The following HMGN5 variants were observed in gnomAD, a reference collection of about 807,000 sequenced individuals.
HMGN5 encodes the protein high mobility group nucleosome binding domain 5.
A neutral mutation model predicts 9.5 loss-of-function variants in HMGN5; 4 were observed. That is an observed-to-expected ratio of 0.42 (90% CI 0.21 to 0.96). The LOEUF is 0.96. Ranked by LOEUF, HMGN5 falls within the 40% of genes least tolerant of loss-of-function variation. HMGN5 has a pLI of 0.30. For missense variants in HMGN5, 192 were observed against 187.5 expected, an observed-to-expected ratio of 1.02 and a Z score of -0.14; for synonymous variants, 55 against 57.1, an observed-to-expected ratio of 0.96 and a Z score of 0.16.
chrX:81,181,083 A>T (rs1012038983), intron 1 of HMGN5, among the ~76,000 whole-genome samples: 1 of 110,693 alleles, frequency 9.0e-6, no homozygotes, highest in African/African-American at 3.3e-5. Flanking sequence ...GCATTAGGAG[A>T]TATATCTAAT....
At chrX:81,127,524 T>C (rs2075287368) in intron 1 of HMGN5, among the ~76,000 whole-genome samples, 1 of 111,213 alleles carries the variant, frequency 9.0e-6, no homozygotes, top group South Asian at 3.9e-4. Context: ...TTTAGATGTC[T>C]GTAACAATTG....
At chrX:81,146,166 A>G (rs185583279) in intron 1 of HMGN5, among the ~76,000 whole-genome samples, 387 of 111,978 alleles carry the variant, frequency 3.5e-3, no homozygotes, top group African/African-American at 0.012. Context: ...AGACATCTAC[A>G]GAACTCTCCA....
intron 1 of HMGN5, among the ~76,000 whole-genome samples, chrX:81,185,723 T>C (rs1290499395): frequency 1.8e-5 from 2 of 111,690 alleles, no homozygotes; most frequent in Non-Finnish European, 3.8e-5. Flanking sequence ...CAGTTTTTCC[T>C]CATTAAGTAT....
intron 1 of HMGN5, among the ~76,000 whole-genome samples, chrX:81,185,337 ATTAAG>A (rs2075474413): frequency 9.0e-6 from 1 of 111,454 alleles, no homozygotes; most frequent in South Asian, 3.7e-4. Context: ...CACTTCTTTG[ATTAAG>A]TTAATTCCCA....
intron 1 of HMGN5, among the ~76,000 whole-genome samples, chrX:81,198,429 G>A (rs2075515356): frequency 9.0e-6 from 1 of 110,855 alleles, no homozygotes; most frequent in South Asian, 3.9e-4. Context: ...AACAAAAAAG[G>A]AGAATTTTAG....
At chrX:81,201,058 G>T (rs1320758694) in intron 1 of HMGN5, among the ~76,000 whole-genome samples, 1 of 111,095 alleles carries the variant, frequency 9.0e-6, no homozygotes, top group Non-Finnish European at 1.9e-5. Context: ...TTGGAGAAGG[G>T]AAAACCTGTG....
chrX:81,154,080 C>G (rs1215544984), intron 1 of HMGN5, among the ~76,000 whole-genome samples: 1 of 110,425 alleles, frequency 9.1e-6, no homozygotes, highest in Non-Finnish European at 1.9e-5. Context: ...GCAAAAAGAA[C>G]AAAACTGGAG....
At chrX:81,115,998 T>G (rs2075252278) in intron 6 of HMGN5, among the ~76,000 whole-genome samples, 1 of 111,902 alleles carries the variant, frequency 8.9e-6, no homozygotes, top group Admixed American at 9.5e-5. Flanking sequence ...GTAACAGCAA[T>G]GCTAAGCCAC....
intron 1 of HMGN5, among the ~76,000 whole-genome samples, chrX:81,161,195 C>T (rs987050871): frequency 6.3e-5 from 7 of 110,513 alleles, no homozygotes; most frequent in South Asian, 3.7e-4. Context: ...CAAGTTGTGA[C>T]GACTGACCCC....
In HMGN5 at chrX:81,136,454, A is replaced by C. The variant is rs753647791; in HGVS notation, c.-123-14782T>G. 4.5e-5 allele frequency among the ~76,000 whole-genome samples: 5 copies of C among 111,821 alleles called. No individual in the cohort carries two copies. In the South Asian group the frequency reaches 1.8e-3, roughly 41 times the overall value. ...AGTATGGTTTCCCCACTATACTAAA[A>C]GTGGTAAAATGTTGAAACCAGGAGA... is the stretch of plus-strand genomic sequence containing the variant. On this transcript the variant is annotated intron_variant, in intron 1 of 6. Transcript: ENST00000358130.
At chrX:81,187,642 T>A (rs2075481322) in intron 1 of HMGN5, among the ~76,000 whole-genome samples, 1 of 112,039 alleles carries the variant, frequency 8.9e-6, no homozygotes, top group African/African-American at 3.2e-5. Context: ...GGGTATTTTT[T>A]AAATCCATTC....
intron 1 of HMGN5, among the ~76,000 whole-genome samples, chrX:81,188,263 A>ATATTAT (rs558790724): frequency 0.041 from 3,546 of 86,925 alleles, 101 homozygotes; most frequent in South Asian, 0.17. Flanking sequence ...TGTGCACAGA[A>ATATTAT]TATTATTATT....
At chrX:81,195,636 T>G (rs2075506004) in intron 1 of HMGN5, among the ~76,000 whole-genome samples, 1 of 111,375 alleles carries the variant, frequency 9.0e-6, no homozygotes, top group Non-Finnish European at 1.9e-5. Flanking sequence ...ACCAAATTTA[T>G]TCGCTCCTCC....
chrX:81,199,022 C>T (rs1237651553), intron 1 of HMGN5, among the ~76,000 whole-genome samples: 2 of 112,091 alleles, frequency 1.8e-5, no homozygotes, highest in Non-Finnish European at 3.8e-5. Context: ...TAAGCAACTT[C>T]AGCAAAGTCT....
chrX:81,133,537 A>G (rs1360403134), intron 1 of HMGN5, among the ~76,000 whole-genome samples: 5 of 111,865 alleles, frequency 4.5e-5, no homozygotes, highest in Non-Finnish European at 9.4e-5. Context: ...ATAAAAAAGA[A>G]TGAAATAATG....
intron 1 of HMGN5, among the ~76,000 whole-genome samples, chrX:81,201,408 A>T (rs1313560873): frequency 9.0e-6 from 1 of 111,437 alleles, no homozygotes; most frequent in Admixed American, 9.5e-5. Context: ...GTTAAAAAGC[A>T]AAACAAAACA....
intron 1 of HMGN5, among the ~76,000 whole-genome samples, chrX:81,197,554 C>G (rs759575265): frequency 9.0e-6 from 1 of 110,908 alleles, no homozygotes; most frequent in Non-Finnish European, 1.9e-5. Context: ...TCAAAGACCT[C>G]AAGAGGAAAG....
chrX:81,140,670 C>CG (rs1388821803), intron 1 of HMGN5, among the ~76,000 whole-genome samples: 1 of 110,439 alleles, frequency 9.1e-6, no homozygotes, highest in Non-Finnish European at 1.9e-5. Context: ...CCTGGTACTA[C>CG]GTCAAGGCCT....
rs944623147 is a variant in HMGN5 at position 81,182,598 on chromosome X, C to T, written c.-124+19139G>A. Among the ~76,000 whole-genome samples, 3 of 112,110 alleles carry T rather than the reference C, an allele frequency of 2.7e-5. No homozygotes were observed. The East Asian group carries it at 8.4e-4, about 31-fold the overall frequency. On this transcript the variant is annotated intron_variant, in intron 1 of 6. Coordinates refer to ENST00000358130, the MANE Select transcript of HMGN5 (RefSeq NM_030763.3). Reference sequence around the variant, plus strand: ...GGTCTTGCTCCTGCCATGTAAGACACCTGTTTCTGATTTGCCTTCTGCCAT... The same window carrying T: ...GGTCTTGCTCCTGCCATGTAAGACATCTGTTTCTGATTTGCCTTCTGCCAT...
Sources: gnomAD v4.1 joint callset for allele counts (sites outside exome capture counted in the v4.1 genomes callset) on GRCh38, gnomAD v4.1.1 for gene constraint, MANE v1.5 for transcripts, NCBI Gene and HGNC (gene_info 2026-07-23, HGNC 2026-07-21) for gene names.